NMNAT2: variants seen among roughly 807,000 people sequenced by gnomAD.
The protein encoded by NMNAT2 is nicotinamide nucleotide adenylyltransferase 2.
NMNAT2 carries 11 observed loss-of-function variants against 41.6 expected under a neutral mutation model. The ratio of observed to expected loss-of-function variants is 0.26; its 90% CI spans 0.17 to 0.44. NMNAT2 has a LOEUF of 0.44. Among genes scored for constraint, NMNAT2 ranks in the 20% least tolerant of loss-of-function variants. The probability of loss-of-function intolerance (pLI) is 1.00; values close to 1 mark genes in which losing one functional copy is unlikely to be tolerated. For missense variants in NMNAT2, 288 were observed against 407.7 expected (o/e 0.71, Z 2.53); for synonymous variants, 148 against 151.2 (o/e 0.98, Z 0.16).
intron 1 of NMNAT2, among the ~76,000 whole-genome samples, chr1:183,342,212 A>G (rs949095208): frequency 2.0e-5 from 3 of 151,998 alleles, no homozygotes; most frequent in African/African-American, 7.3e-5. Flanking sequence ...ACTACAGGCC[A>G]GGCAAAGTGG....
At chr1:183,326,854 T>C (rs1426962349) in intron 1 of NMNAT2, among the ~76,000 whole-genome samples, 1 of 151,984 alleles carries the variant, frequency 6.6e-6, no homozygotes, top group Non-Finnish European at 1.5e-5. Flanking sequence ...GGGCTGAAAC[T>C]TTGACTCTGA....
chr1:183,286,156 C>T (rs1030401736), intron 5 of NMNAT2, among the ~76,000 whole-genome samples: 1 of 152,200 alleles, frequency 6.6e-6, no homozygotes, highest in Non-Finnish European at 1.5e-5. Context: ...CCTGCAACCT[C>T]CTCCTCCTGG....
At chr1:183,282,607 C>T (rs541880074) in intron 7 of NMNAT2, among the ~76,000 whole-genome samples, 2 of 152,332 alleles carry the variant, frequency 1.3e-5, no homozygotes, top group South Asian at 2.1e-4. Context: ...GCCAAGGAGA[C>T]TGCGTGGGAA....
intron 1 of NMNAT2, among the ~76,000 whole-genome samples, chr1:183,316,635 T>C (rs1662257889): frequency 6.6e-6 from 1 of 152,080 alleles, no homozygotes; most frequent in Admixed American, 6.5e-5. Flanking sequence ...ACTGGGCACT[T>C]TACTTCCCTC....
At position 183,398,923 on chromosome 1, in the gene NMNAT2, G is replaced by A. The variant is rs181877703; in HGVS notation, c.85+19260C>T. The stretch of plus-strand genomic sequence containing the variant: ...ACACATTCAAAGCAGTGTGTAGAGG[G>A]AAATTTATAGCACTAAATGCCCACA... On this transcript the variant is annotated intron_variant, in intron 1 of 10. Transcript: ENST00000287713. 3.0e-3 allele frequency among the ~76,000 whole-genome samples: 451 copies of A among 152,250 alleles called. 1 individual carries two copies. Among genetic ancestry groups the A allele is most frequent in the African/African-American group, 0.01 (433 of 41,536 alleles).
intron 1 of NMNAT2, among the ~76,000 whole-genome samples, chr1:183,324,724 G>A (rs1192679113): frequency 6.6e-6 from 1 of 152,120 alleles, no homozygotes; most frequent in African/African-American, 2.4e-5. Flanking sequence ...CTTTCCAAGT[G>A]GTTTCCCTGT....
chr1:183,385,875 G>C (rs902447450), intron 1 of NMNAT2, among the ~76,000 whole-genome samples: 1 of 152,146 alleles, frequency 6.6e-6, no homozygotes, highest in African/African-American at 2.4e-5. Context: ...CCAAGACACA[G>C]TGCCTGTCCT....
intron 1 of NMNAT2, among the ~76,000 whole-genome samples, chr1:183,345,388 T>G (rs761686026): frequency 6.6e-6 from 1 of 152,128 alleles, no homozygotes; most frequent in Non-Finnish European, 1.5e-5. Flanking sequence ...TATTGAGAGG[T>G]GAAGCCTTTA....
At chr1:183,304,492 C>A (rs1030113438) in intron 1 of NMNAT2, among the ~76,000 whole-genome samples, 2 of 152,192 alleles carry the variant, frequency 1.3e-5, no homozygotes, top group African/African-American at 4.8e-5. Flanking sequence ...GCAGAAGGTG[C>A]GGGCTGGGCT....
intron 1 of NMNAT2, among the ~76,000 whole-genome samples, chr1:183,401,289 A>G (rs1389043123): frequency 6.6e-6 from 1 of 152,238 alleles, no homozygotes; most frequent in African/African-American, 2.4e-5. Flanking sequence ...GAAGACATTT[A>G]TGCAGCCAAC....
At chr1:183,293,328 A>G (rs1661592766) in intron 2 of NMNAT2, among the ~76,000 whole-genome samples, 1 of 152,260 alleles carries the variant, frequency 6.6e-6, no homozygotes, top group Non-Finnish European at 1.5e-5. Context: ...TAAAAGGCAT[A>G]GGCCGTTTTC....
chr1:183,346,080 C>G (rs888585382), intron 1 of NMNAT2, among the ~76,000 whole-genome samples: 4 of 152,142 alleles, frequency 2.6e-5, no homozygotes, highest in African/African-American at 9.7e-5. Flanking sequence ...AATAATTTGT[C>G]ACCCCTCACA....
chr1:183,393,151 C>T (rs1648529856), intron 1 of NMNAT2, among the ~76,000 whole-genome samples: 1 of 152,186 alleles, frequency 6.6e-6, no homozygotes, highest in Non-Finnish European at 1.5e-5. Context: ...AGATAAATTC[C>T]TTCTCAGACT....
At chr1:183,383,795 C>T (rs1284188270) in intron 1 of NMNAT2, among the ~76,000 whole-genome samples, 2 of 152,230 alleles carry the variant, frequency 1.3e-5, no homozygotes, top group Non-Finnish European at 2.9e-5. Context: ...ACTTCACTGA[C>T]TGTATCACTA....
intron 1 of NMNAT2, among the ~76,000 whole-genome samples, chr1:183,338,597 C>T (rs1173119108): frequency 6.6e-6 from 1 of 152,170 alleles, no homozygotes; most frequent in Non-Finnish European, 1.5e-5. Flanking sequence ...GTCGACTTTA[C>T]ATTAATGCGT....
At chr1:183,403,517 C>T (rs1384785938) in intron 1 of NMNAT2, among the ~76,000 whole-genome samples, 1 of 151,728 alleles carries the variant, frequency 6.6e-6, no homozygotes, top group African/African-American at 2.4e-5. Context: ...CTGTCCTTAC[C>T]CACCTCCCCA....
intron 1 of NMNAT2, among the ~76,000 whole-genome samples, chr1:183,415,216 A>G (rs1321770166): frequency 1.3e-5 from 2 of 152,182 alleles, no homozygotes; most frequent in African/African-American, 4.8e-5. Flanking sequence ...TCCTGAGCTC[A>G]TGTGTTAATG....
rs78835243 is a variant in NMNAT2 at position 183,326,689 on chromosome 1, A to C, written c.86-32896T>G. Reference sequence around the variant, plus strand: ...ATTGGGGGATTTAAGAAAGAGAGTGACATGATCTTACTCATGAAAAGCACC... The same window carrying C: ...ATTGGGGGATTTAAGAAAGAGAGTGCCATGATCTTACTCATGAAAAGCACC... On this transcript the variant is annotated intron_variant, in intron 1 of 10. Coordinates refer to ENST00000287713, the MANE Select transcript of NMNAT2 (RefSeq NM_015039.4). 1.1e-3 allele frequency among the ~76,000 whole-genome samples: 173 copies of C among 152,312 alleles called. 2 individuals carry two copies. The East Asian group carries it at 0.027, about 24-fold the overall frequency.
chr1:183,398,709 G>C (rs1040585639), intron 1 of NMNAT2, among the ~76,000 whole-genome samples: 1 of 152,146 alleles, frequency 6.6e-6, no homozygotes, highest in Non-Finnish European at 1.5e-5. Flanking sequence ...AGAACAAACT[G>C]TCTCTCAGAC....
Sources: gnomAD v4.1 joint callset for allele counts (sites outside exome capture counted in the v4.1 genomes callset) on GRCh38, gnomAD v4.1.1 for gene constraint, MANE v1.5 for transcripts, NCBI Gene and HGNC (gene_info 2026-07-23, HGNC 2026-07-21) for gene names.